ANKRD31: variants seen among roughly 807,000 people sequenced by gnomAD.
ANKRD31 encodes ankyrin repeat domain-containing protein 31.
A neutral mutation model predicts 186.0 loss-of-function variants in ANKRD31; 147 were observed. That is an observed-to-expected ratio of 0.79 (90% CI 0.69 to 0.91). The LOEUF is 0.91. ANKRD31 is among the 40% of genes least tolerant of loss of function. The probability of loss-of-function intolerance (pLI) is 0.00; values close to 1 mark genes in which losing one functional copy is unlikely to be tolerated. For missense variants in ANKRD31, 1,986 were observed against 2,148.8 expected, an observed-to-expected ratio of 0.92 and a Z score of 1.50; for synonymous variants, 673 against 736.4, an observed-to-expected ratio of 0.91 and a Z score of 1.39.
intron 7 of ANKRD31, among the ~76,000 whole-genome samples, 174 bp downstream of exon 7, chr5:75,195,457 G>T (rs1365858725): frequency 6.6e-6 from 1 of 151,910 alleles, no homozygotes; most frequent in Non-Finnish European, 1.5e-5. Context: ...TCTCGGTGTT[G>T]ATATTTGGGT....
intron 17 of ANKRD31, among the ~76,000 whole-genome samples, 193 bp downstream of exon 17, chr5:75,137,663 G>T (rs1023763147): frequency 1.3e-5 from 2 of 152,044 alleles, no homozygotes; most frequent in Non-Finnish European, 2.9e-5. Flanking sequence ...AAATAATGGA[G>T]AAATGATTCA....
At chr5:75,098,811 T>A (rs752012646) in intron 22 of ANKRD31, among the ~76,000 whole-genome samples, 78 of 152,350 alleles carry the variant, frequency 5.1e-4, no homozygotes, top group Non-Finnish European at 8.7e-4. Context: ...AAGTTGCTTA[T>A]CAGCTTAAGG....
chr5:75,201,243 G>A (rs1336945731), intron 5 of ANKRD31, among the ~76,000 whole-genome samples: 1 of 152,118 alleles, frequency 6.6e-6, no homozygotes, highest in African/African-American at 2.4e-5. Flanking sequence ...TCAGTTAGGA[G>A]GGCTAAAATC....
intron 4 of ANKRD31, among the ~76,000 whole-genome samples, chr5:75,206,713 G>C (rs930556120): frequency 6.6e-6 from 1 of 152,096 alleles, no homozygotes; most frequent in Admixed American, 6.6e-5. Flanking sequence ...TAAATGACCT[G>C]AGGAGTGTAT....
chr5:75,188,555 T>A lies in ANKRD31; in HGVS notation c.1502A>T (p.Asp501Val), dbSNP rs1754890497. 6.5e-6 allele frequency: 10 copies of A among 1,536,628 alleles called. No homozygotes were observed. The East Asian group carries it at 2.4e-4, about 38-fold the overall frequency. ...NLVYKAALHDDADLVHHCIKK... is the reference protein window; with the variant it reads ...NLVYKAALHDVADLVHHCIKK... ...TATACAATGATGAACAAGATCAGCA[T>A]CATCGTGTAGAGCAGCCTTATATAC... Residue 501 changes from aspartate (D) to valine (V), a missense_variant, in exon 10 of 26, where the codon GAT becomes GTT. Asp to Val is a radical substitution (Grantham distance 152). Transcript: ENST00000506364.
chr5:75,216,559 G>A (rs1756972304), intron 3 of ANKRD31, among the ~76,000 whole-genome samples: 1 of 152,044 alleles, frequency 6.6e-6, no homozygotes, highest in African/African-American at 2.4e-5. Context: ...GTTATTAGAA[G>A]GCAAATATAG....
At chr5:75,194,746 T>G (rs1440934680) in intron 7 of ANKRD31, among the ~76,000 whole-genome samples, 1 of 152,080 alleles carries the variant, frequency 6.6e-6, no homozygotes, top group Non-Finnish European at 1.5e-5. Flanking sequence ...AACACATTAT[T>G]AAATTTAAAA....
At chr5:75,131,899 G>A (rs1396844757) in intron 17 of ANKRD31, among the ~76,000 whole-genome samples, 1 of 152,120 alleles carries the variant, frequency 6.6e-6, no homozygotes, top group East Asian at 1.9e-4. Context: ...AGGCAAACAG[G>A]GTCTGGAGTG....
intron 2 of ANKRD31, among the ~76,000 whole-genome samples, chr5:75,224,195 T>C (rs1376273496): frequency 1.5e-5 from 2 of 134,074 alleles, no homozygotes; most frequent in African/African-American, 3.0e-5. Flanking sequence ...ATTTCTTCCA[T>C]TAGAATTCCA....
chr5:75,099,522 G>T (rs1746637314), intron 22 of ANKRD31, among the ~76,000 whole-genome samples: 1 of 152,168 alleles, frequency 6.6e-6, no homozygotes, highest in Non-Finnish European at 1.5e-5. Context: ...GCTCCTCTTT[G>T]TACCTCTGAT....
At chr5:75,140,063 G>A (rs991227654) in intron 15 of ANKRD31, among the ~76,000 whole-genome samples, 9 of 151,962 alleles carry the variant, frequency 5.9e-5, no homozygotes, top group Non-Finnish European at 1.2e-4. Flanking sequence ...ACTTAGCCGG[G>A]CATGGTGGTG....
chr5:75,212,449 CA>C (rs1756713537), intron 3 of ANKRD31, among the ~76,000 whole-genome samples: 1 of 151,976 alleles, frequency 6.6e-6, no homozygotes, highest in African/African-American at 2.4e-5. Context: ...CCAGTTTCTA[CA>C]AAAACAAAAA....
rs1028558947 is a variant in ANKRD31, at chr5:75,205,841, T to C, written c.403+570A>G. On this transcript the variant is annotated intron_variant, in intron 5 of 25. Transcript: ENST00000506364. ...ATCATTGGTAGACACTGCAAAGAGA[T>C]AGACAGCTATCCTCTAATACAGCTC... Among the ~76,000 whole-genome samples the C allele has an allele frequency of 8.5e-5, 13 of 152,210 alleles. No homozygotes were observed. In the East Asian group the frequency reaches 2.1e-3, roughly 25 times the overall value.
chr5:75,233,590 T>TAA (rs764658735), intron 1 of ANKRD31, among the ~76,000 whole-genome samples: 28 of 152,092 alleles, frequency 1.8e-4, no homozygotes, highest in Non-Finnish European at 3.5e-4. Context: ...TTCTAATATG[T>TAA]AAACGTAAAA....
intron 21 of ANKRD31, among the ~76,000 whole-genome samples, chr5:75,106,619 A>G (rs746332061): frequency 2.0e-5 from 3 of 152,050 alleles, no homozygotes; most frequent in East Asian, 1.9e-4. Flanking sequence ...TGAAACTCCA[A>G]TTGATCAGGA....
At chr5:75,121,025 A>T (rs1265815167) in intron 17 of ANKRD31, among the ~76,000 whole-genome samples, 1 of 152,108 alleles carries the variant, frequency 6.6e-6, no homozygotes, top group Admixed American at 6.5e-5. Context: ...TCTACTAAAA[A>T]TACAAAAATT....
At chr5:75,084,133 T>G in intron 24 of ANKRD31, 139 bp downstream of exon 24, 1 of 660,258 alleles carries the variant, frequency 1.5e-6, no homozygotes, top group East Asian at 2.8e-5. Flanking sequence ...GCCACTGAAT[T>G]GTTCACCTTG....
chr5:75,145,503 C>A (rs1751370103), intron 14 of ANKRD31, among the ~76,000 whole-genome samples: 1 of 151,964 alleles, frequency 6.6e-6, no homozygotes, highest in African/African-American at 2.4e-5. Flanking sequence ...AACCAGACAC[C>A]ACATGTTCTC....
At chr5:75,191,647 CCTT>C (rs1471894214) in intron 9 of ANKRD31, among the ~76,000 whole-genome samples, 1 of 151,990 alleles carries the variant, frequency 6.6e-6, no homozygotes, top group Non-Finnish European at 1.5e-5. Context: ...TTAGGGATAA[CCTT>C]CTTACAATGC....
Sources: gnomAD v4.1 joint callset for allele counts (sites outside exome capture counted in the v4.1 genomes callset) on GRCh38, gnomAD v4.1.1 for gene constraint, MANE v1.5 for transcripts, NCBI Gene and HGNC (gene_info 2026-07-23, HGNC 2026-07-21) for gene names.